SUMF1: variants seen among roughly 807,000 people sequenced by gnomAD.
SUMF1 encodes the protein formylglycine-generating enzyme.
In SUMF1, 48 loss-of-function variants were observed where a neutral mutation model predicts 47.6. That is an observed-to-expected ratio of 1.01 (90% CI 0.80 to 1.28). SUMF1 has a LOEUF of 1.28. Ranked by LOEUF, SUMF1 falls within the 50% of genes most tolerant of loss-of-function variation. The pLI is 0.00. For missense variants in SUMF1, 571 were observed against 485.4 expected, an observed-to-expected ratio of 1.18 and a Z score of -1.66; for synonymous variants, 230 against 192.1, an observed-to-expected ratio of 1.20 and a Z score of -1.63.
At chr3:4,126,957 T>G (rs795301) in intron 8 of SUMF1, among the ~76,000 whole-genome samples, 1 of 152,058 alleles carries the variant, frequency 6.6e-6, no homozygotes, top group East Asian at 1.9e-4. Flanking sequence ...TTCCACATCG[T>G]GAAGAAGAAC....
intron 8 of SUMF1, among the ~76,000 whole-genome samples, chr3:4,159,627 C>G (rs1694531316): frequency 6.6e-6 from 1 of 152,046 alleles, no homozygotes; most frequent in Non-Finnish European, 1.5e-5. Flanking sequence ...TGTGTACTTA[C>G]TACTACCAGT....
chr3:4,324,296 A>G (rs56654982), intron 8 of SUMF1, among the ~76,000 whole-genome samples: 2,001 of 152,298 alleles, frequency 0.013, 48 homozygotes, highest in African/African-American at 0.046. Context: ...TAGAATACCA[A>G]CTATGTGAAA....
chr3:4,347,809 G>C (rs891577189), intron 8 of SUMF1, among the ~76,000 whole-genome samples: 1 of 152,090 alleles, frequency 6.6e-6, no homozygotes, highest in Non-Finnish European at 1.5e-5. Context: ...AAAACTTCTT[G>C]AACTGATAAG....
chr3:4,259,787 T>A (rs1218796575), intron 8 of SUMF1, among the ~76,000 whole-genome samples: 2 of 152,186 alleles, frequency 1.3e-5, no homozygotes, highest in Non-Finnish European at 2.9e-5. Flanking sequence ...TACAAAAGTA[T>A]CATTTGCACC....
At chr3:4,367,170 TCAGGGAC>T (rs1553563434) in intron 8 of SUMF1, among the ~76,000 whole-genome samples, 1 of 151,988 alleles carries the variant, frequency 6.6e-6, no homozygotes, top group South Asian at 2.1e-4. Flanking sequence ...GGGTCAGGGG[TCAGGGAC>T]CCACTTGAGG....
intron 9 of SUMF1, among the ~76,000 whole-genome samples, chr3:4,057,163 G>T (rs1695207453): frequency 6.6e-6 from 1 of 152,166 alleles, no homozygotes; most frequent in Non-Finnish European, 1.5e-5. Context: ...TGACAGAGGG[G>T]CAACAAGGGT....
At chr3:4,217,023 C>A (rs573349147) in intron 8 of SUMF1, among the ~76,000 whole-genome samples, 2 of 152,218 alleles carry the variant, frequency 1.3e-5, no homozygotes, top group Admixed American at 1.3e-4. Context: ...GGAATATACC[C>A]AAAGGATTAT....
chr3:4,194,225 C>T (rs1451367621), intron 8 of SUMF1, among the ~76,000 whole-genome samples: 3 of 152,104 alleles, frequency 2.0e-5, no homozygotes, highest in African/African-American at 7.2e-5. Flanking sequence ...CCACATGAGA[C>T]TAGATACTAC....
intron 3 of SUMF1, among the ~76,000 whole-genome samples, chr3:4,442,326 G>C (rs1261125679): frequency 6.6e-6 from 1 of 151,308 alleles, no homozygotes; most frequent in African/African-American, 2.4e-5. Context: ...CGCGATCTCG[G>C]CTCACTGCAA....
At chr3:4,389,214 T>C (rs1337122938) in intron 7 of SUMF1, among the ~76,000 whole-genome samples, 2 of 152,176 alleles carry the variant, frequency 1.3e-5, no homozygotes, top group Admixed American at 6.6e-5. Flanking sequence ...TCCAAAAAGA[T>C]ACTTCACTGG....
chr3:4,316,966 C>A (rs1234028157), intron 8 of SUMF1: 1 of 1,549,394 alleles, frequency 6.5e-7, no homozygotes, highest in African/African-American at 1.4e-5. Context: ...AATGCCCGAC[C>A]GCATGTTGCA....
At chr3:4,232,057 TG>T (rs1288655990) in intron 8 of SUMF1, among the ~76,000 whole-genome samples, 1 of 152,152 alleles carries the variant, frequency 6.6e-6, no homozygotes, top group Non-Finnish European at 1.5e-5. Flanking sequence ...TTCCTCCTGG[TG>T]CTTCATTGAT....
chr3:4,420,246 C>T (rs1236176410), intron 3 of SUMF1, 100 bp from the exon 4 acceptor site: 4 of 851,442 alleles, frequency 4.7e-6, no homozygotes, highest in Non-Finnish European at 8.0e-6. Flanking sequence ...TCTTCAACTT[C>T]CATTTGGATT....
intron 9 of SUMF1, among the ~76,000 whole-genome samples, chr3:4,036,612 T>A (rs1348707116): frequency 1.9e-4 from 6 of 30,818 alleles, no homozygotes; most frequent in East Asian, 2.4e-3. Flanking sequence ...CAGAAATGAA[T>A]CCATTAAAAA....
chr3:4,117,860 T>G (rs2125075332), intron 8 of SUMF1, among the ~76,000 whole-genome samples: 1 of 152,100 alleles, frequency 6.6e-6, no homozygotes, highest in South Asian at 2.1e-4. Flanking sequence ...TGGTTCTAAT[T>G]GGTATTCAAG....
At chr3:4,235,366 AG>A (rs1696384981) in intron 8 of SUMF1, among the ~76,000 whole-genome samples, 2 of 152,062 alleles carry the variant, frequency 1.3e-5, no homozygotes, top group Admixed American at 6.6e-5. Context: ...CATAAATTTG[AG>A]GCACCTGTTC....
chr3:4,342,129 A>G (rs1699284485), intron 8 of SUMF1, among the ~76,000 whole-genome samples: 1 of 152,234 alleles, frequency 6.6e-6, no homozygotes, highest in South Asian at 2.1e-4. Context: ...AATTCCAACA[A>G]ATGTCAAAAC....
chr3:4,324,755 G>A (rs1698907334), intron 8 of SUMF1, among the ~76,000 whole-genome samples: 1 of 152,154 alleles, frequency 6.6e-6, no homozygotes, highest in South Asian at 2.1e-4. Flanking sequence ...AAGAAATACA[G>A]TATTGATCGA....
At chr3:4,384,463 C>T (rs1167232658) in intron 7 of SUMF1, among the ~76,000 whole-genome samples, 4 of 152,170 alleles carry the variant, frequency 2.6e-5, no homozygotes, top group Non-Finnish European at 4.4e-5. Context: ...TTTATAGTTA[C>T]GACCACTTCC....
Sources: gnomAD v4.1 joint callset for allele counts (sites outside exome capture counted in the v4.1 genomes callset) on GRCh38, gnomAD v4.1.1 for gene constraint, MANE v1.5 for transcripts, NCBI Gene and HGNC (gene_info 2026-07-23, HGNC 2026-07-21) for gene names.